The following CFAP161 variants were observed in gnomAD, a reference collection of about 807,000 sequenced individuals.
CFAP161 encodes the protein cilia and flagella associated protein 161.
In CFAP161, 25 loss-of-function variants were observed where a neutral mutation model predicts 29.0. The ratio of observed to expected loss-of-function variants is 0.86; its 90% CI spans 0.63 to 1.20. The LOEUF is 1.20. CFAP161 is among the 50% of genes most tolerant of loss of function. The pLI, the probability that CFAP161 is intolerant of heterozygous loss-of-function variation, is 0.00. For missense variants in CFAP161, 367 were observed against 371.9 expected (o/e 0.99, Z 0.11); for synonymous variants, 116 against 137.4 (o/e 0.84, Z 1.09).
intron 1 of CFAP161, among the ~76,000 whole-genome samples, chr15:81,115,498 A>G (rs1894486281): frequency 6.6e-6 from 1 of 152,192 alleles, no homozygotes; most frequent in African/African-American, 2.4e-5. Context: ...GTCTGCTAGA[A>G]TCCATTACTA....
Position 81,148,470 on chromosome 15 carries a change from G to A in CFAP161, c.843G>A (p.Leu281=), listed in dbSNP as rs1375554645. The change falls in exon 7 of 7, where the codon CTG becomes CTA. Residue 281 remains leucine, a synonymous_variant. Coordinates refer to ENST00000286732, the MANE Select transcript of CFAP161 (RefSeq NM_173528.4). The part of the protein sequence containing the change: ...PRDASSSMLD[L]PKPPTEDTRA... ...ATGCCTCGTCCTCCATGTTGGATCT[G>A]CCCAAACCACCCACAGAGGACACTC... The A allele has an allele frequency of 1.2e-6, 2 of 1,614,068 alleles. No individual in the cohort carries two copies. The highest frequency in any genetic ancestry group is 1.7e-6 in the Non-Finnish European group (2 of 1,180,038).
upstream of CFAP161, among the ~76,000 whole-genome samples, chr15:81,131,718 A>G (rs547174592): frequency 6.6e-6 from 1 of 152,328 alleles, no homozygotes; most frequent in South Asian, 2.1e-4. Context: ...CAATATACAC[A>G]TGATGGGAGT....
At chr15:81,142,856 G>A (rs1392006716) in intron 4 of CFAP161, among the ~76,000 whole-genome samples, 1 of 152,172 alleles carries the variant, frequency 6.6e-6, no homozygotes, top group Admixed American at 6.5e-5. Flanking sequence ...AAGGTTACAG[G>A]CAGCCAGATA....
intron 1 of CFAP161, among the ~76,000 whole-genome samples, chr15:81,110,201 C>A (rs1894423255): frequency 6.6e-6 from 1 of 151,908 alleles, no homozygotes; most frequent in African/African-American, 2.4e-5. Context: ...TTTTTGAAGA[C>A]CTCTCATATT....
At chr15:81,119,591 A>G (rs960751836) in intron 1 of CFAP161, among the ~76,000 whole-genome samples, 1 of 152,184 alleles carries the variant, frequency 6.6e-6, no homozygotes, top group African/African-American at 2.4e-5. Context: ...GCTCCCATAC[A>G]ATTTACCTAA....
intron 4 of CFAP161, among the ~76,000 whole-genome samples, chr15:81,139,314 A>G (rs776698114): frequency 6.6e-6 from 1 of 152,112 alleles, no homozygotes; most frequent in Non-Finnish European, 1.5e-5. Context: ...AAAAATAAAA[A>G]TAAAAAATAA....
intron 1 of CFAP161, among the ~76,000 whole-genome samples, chr15:81,102,175 A>G (rs1025575818): frequency 6.6e-6 from 1 of 152,216 alleles, no homozygotes; most frequent in African/African-American, 2.4e-5. Context: ...TGTGCTCAGA[A>G]TATTCTCACA....
At chr15:81,136,378 A>G in intron 2 of CFAP161, 138 bp from the exon 3 acceptor site, 1 of 708,714 alleles carries the variant, frequency 1.4e-6, no homozygotes, top group Non-Finnish European at 2.4e-6. Flanking sequence ...GGAAAGGAAG[A>G]AGGAACTAAG....
At chr15:81,106,616 C>T (rs1360631727) in intron 1 of CFAP161, among the ~76,000 whole-genome samples, 1 of 152,232 alleles carries the variant, frequency 6.6e-6, no homozygotes, top group Non-Finnish European at 1.5e-5. Flanking sequence ...GCTGTCACTG[C>T]ATCATTTTTC....
intron 4 of CFAP161, among the ~76,000 whole-genome samples, chr15:81,142,774 G>T (rs8041817): frequency 0.043 from 6,548 of 152,216 alleles, 501 homozygotes; most frequent in African/African-American, 0.15. Context: ...TCAGGGCGGG[G>T]CTGAACCAGT....
intron 4 of CFAP161, among the ~76,000 whole-genome samples, chr15:81,139,982 T>C (rs1037448177): frequency 2.0e-5 from 3 of 152,240 alleles, no homozygotes; most frequent in Non-Finnish European, 2.9e-5. Context: ...AATGTTGTAC[T>C]ACTTGTAATT....
At chr15:81,106,699 C>T (rs539073054) in intron 1 of CFAP161, among the ~76,000 whole-genome samples, 12 of 152,296 alleles carry the variant, frequency 7.9e-5, no homozygotes, top group South Asian at 4.1e-4. Flanking sequence ...AAATTAAACA[C>T]GCTCTTTCAA....
chr15:81,118,179 A>G (rs977072554), intron 1 of CFAP161: 4 of 478,356 alleles, frequency 8.4e-6, no homozygotes, highest in Non-Finnish European at 1.5e-5. Flanking sequence ...TTCTATTTTC[A>G]CTGAGTACAA....
At chr15:81,146,922 G>A (rs1418235117) in intron 5 of CFAP161, among the ~76,000 whole-genome samples, 2 of 128,688 alleles carry the variant, frequency 1.6e-5, no homozygotes, top group Non-Finnish European at 3.2e-5. Flanking sequence ...TTGCCCACAA[G>A]GAAATTCCTT....
intron 4 of CFAP161, among the ~76,000 whole-genome samples, chr15:81,139,613 T>G (rs1360730590): frequency 3.3e-5 from 5 of 152,218 alleles, no homozygotes; most frequent in Admixed American, 3.3e-4. Context: ...TATCATAATT[T>G]ACCTAGTCTT....
intron 1 of CFAP161, among the ~76,000 whole-genome samples, chr15:81,117,468 G>A (rs1894513436): frequency 6.6e-6 from 1 of 151,910 alleles, no homozygotes; most frequent in Non-Finnish European, 1.5e-5. Flanking sequence ...ACTAAATGGA[G>A]GAAGGCAGAA....
intron 1 of CFAP161, among the ~76,000 whole-genome samples, chr15:81,105,173 C>T (rs1297504752): frequency 8.0e-5 from 6 of 75,198 alleles, no homozygotes; most frequent in Admixed American, 6.8e-4. Context: ...TCCTTCCTCC[C>T]TCCCTTCCTT....
At chr15:81,134,247 G>A, upstream of CFAP161, 1 of 1,500,780 alleles carries the variant, frequency 6.7e-7, no homozygotes, top group Non-Finnish European at 9.1e-7. Context: ...TTGACCAATC[G>A]CCTGGGGCCG....
At chr15:81,141,688 CTTT>C (rs111423310) in intron 4 of CFAP161, among the ~76,000 whole-genome samples, 1 of 140,292 alleles carries the variant, frequency 7.1e-6, no homozygotes, top group Non-Finnish European at 1.6e-5. Flanking sequence ...TAGTATTTGC[CTTT>C]TTTTTTTTTT....
Sources: allele counts gnomAD v4.1 joint callset (sites outside exome capture counted in the v4.1 genomes callset), GRCh38; gene constraint gnomAD v4.1.1; transcripts MANE v1.5; gene names NCBI Gene and HGNC (gene_info 2026-07-23, HGNC 2026-07-21).